Variants in PRDM10 observed in about 807,000 individuals in gnomAD.
PRDM10 encodes the protein PR/SET domain 10.
A neutral mutation model predicts 133.1 loss-of-function variants in PRDM10; 65 were observed. That is an observed-to-expected ratio of 0.49 (90% confidence interval 0.40 to 0.60). PRDM10 has a LOEUF of 0.60. Among genes scored for constraint, PRDM10 ranks in the 20% least tolerant of loss-of-function variants. PRDM10 has a pLI of 0.00. For synonymous variants in PRDM10, 582 were observed against 580.4 expected (o/e 1.00, Z -0.04); for missense variants, 1,137 against 1,507.1 (o/e 0.75, Z 4.07).
intron 4 of PRDM10, among the ~76,000 whole-genome samples, chr11:129,951,697 G>C (rs1340360214): frequency 1.3e-5 from 2 of 152,148 alleles, no homozygotes; most frequent in Non-Finnish European, 2.9e-5. Context: ...ACACACAACA[G>C]AATGCTTCTT....
rs1231303727 is a variant in PRDM10, at chr11:129,996,408, A to G, written c.-119+6314T>C. Among the ~76,000 whole-genome samples, 3 of 152,334 alleles carry G rather than the reference A, an allele frequency of 2.0e-5. No individual in the cohort carries two copies. The East Asian group carries it at 5.8e-4, about 29-fold the overall frequency. ...GGTTGTTACATTTTAAAATATTTGA[A>G]AAGACTCAAAAGAAGACTATTTCCT... is the stretch of plus-strand genomic sequence containing the variant. On this transcript the variant is annotated intron_variant, in intron 1 of 20. Coordinates refer to ENST00000360871, the MANE Select transcript of PRDM10 (RefSeq NM_199437.2).
intron 9 of PRDM10, among the ~76,000 whole-genome samples, chr11:129,932,731 A>G (rs749876971): frequency 6.6e-6 from 1 of 152,096 alleles, no homozygotes; most frequent in Non-Finnish European, 1.5e-5. Context: ...TGCCTAGTAA[A>G]CATCAATTAA....
chr11:129,931,371 T>A, intron 10 of PRDM10, 113 bp from the exon 11 acceptor site: 1 of 1,388,646 alleles, frequency 7.2e-7, no homozygotes. Flanking sequence ...AGAAAAAATA[T>A]TCTCCCTCTG....
intron 1 of PRDM10, among the ~76,000 whole-genome samples, chr11:129,967,086 T>C (rs562503356): frequency 1.3e-5 from 2 of 152,320 alleles, no homozygotes; most frequent in African/African-American, 4.8e-5. Flanking sequence ...ATTAAAATAC[T>C]AAATGACAGA....
chr11:129,925,707 C>CA (rs754851349), intron 11 of PRDM10, among the ~76,000 whole-genome samples: 1 of 96,508 alleles, frequency 1.0e-5, no homozygotes, highest in African/African-American at 7.8e-5. Flanking sequence ...AAAAACAAAA[C>CA]AAACAAACAA....
At chr11:129,929,428 A>G (rs760306988) in intron 11 of PRDM10, 3 of 1,561,296 alleles carry the variant, frequency 1.9e-6, no homozygotes, top group Non-Finnish European at 1.7e-6. Flanking sequence ...CCAACTGAGC[A>G]GGCAGCATTA....
At chr11:129,937,950 A>C (rs1452947045) in intron 7 of PRDM10, among the ~76,000 whole-genome samples, 1 of 152,198 alleles carries the variant, frequency 6.6e-6, no homozygotes. Context: ...TCTTCAACTA[A>C]ATAAAACAGC....
intron 15 of PRDM10, among the ~76,000 whole-genome samples, chr11:129,916,430 T>C (rs1029583796): frequency 1.3e-5 from 2 of 152,208 alleles, no homozygotes; most frequent in Non-Finnish European, 2.9e-5. Flanking sequence ...GGCGATCACC[T>C]GAGGGTGGAT....
At chr11:129,976,936 TGAGAA>T (rs1020584597) in intron 1 of PRDM10, among the ~76,000 whole-genome samples, 10 of 152,078 alleles carry the variant, frequency 6.6e-5, no homozygotes, top group African/African-American at 2.2e-4. Context: ...TTAGCACTCC[TGAGAA>T]AAGATAAAAA....
chr11:129,963,389 GAGA>G (rs776527781), intron 1 of PRDM10, among the ~76,000 whole-genome samples: 5,100 of 109,504 alleles, frequency 0.047, 360 homozygotes, highest in African/African-American at 0.14. Context: ...AAAGAGAGAA[GAGA>G]AGAGAAGAGA....
At chr11:129,990,845 A>G (rs1270811348) in intron 1 of PRDM10, among the ~76,000 whole-genome samples, 1 of 152,198 alleles carries the variant, frequency 6.6e-6, no homozygotes, top group African/African-American at 2.4e-5. Flanking sequence ...GATGGTAGAA[A>G]AATAAGTATT....
intron 17 of PRDM10, among the ~76,000 whole-genome samples, chr11:129,913,534 T>G (rs145664742): frequency 7.3e-4 from 111 of 152,316 alleles, no homozygotes; most frequent in Non-Finnish European, 1.5e-3. Flanking sequence ...TCAAAGAAAT[T>G]CGTTTTTAGT....
At chr11:129,958,886 G>A (rs1430816537) in intron 2 of PRDM10, among the ~76,000 whole-genome samples, 1 of 152,176 alleles carries the variant, frequency 6.6e-6, no homozygotes, top group Non-Finnish European at 1.5e-5. Flanking sequence ...AACTAAAGCA[G>A]AAATGAAGTT....
In PRDM10 at chr11:129,936,331, G is replaced by T. The variant is rs1051403167; in HGVS notation, c.1040-1113C>A. Among the ~76,000 whole-genome samples, 4 of 151,684 alleles carry T rather than the reference G, an allele frequency of 2.6e-5. No individual in the cohort carries two copies. In the South Asian group the frequency reaches 8.3e-4, roughly 32 times the overall value. ...TCTATATATTATAATAAATATAAAA[G>T]ATTATAACAAAATGGCCACCGTTAA... On this transcript the variant is annotated intron_variant, in intron 8 of 20. Transcript: ENST00000360871.
intron 4 of PRDM10, among the ~76,000 whole-genome samples, chr11:129,953,203 C>A (rs1013311215): frequency 5.9e-5 from 9 of 152,082 alleles, no homozygotes; most frequent in African/African-American, 2.2e-4. Flanking sequence ...GTATCAAACT[C>A]CTGATCTCAG....
At chr11:129,932,487 A>T (rs1950902075) in intron 9 of PRDM10, among the ~76,000 whole-genome samples, 1 of 152,210 alleles carries the variant, frequency 6.6e-6, no homozygotes, top group Admixed American at 6.5e-5. Flanking sequence ...AGCACTGACA[A>T]TATTTTGCTT....
At position 129,915,050 on chromosome 11, in the gene PRDM10, T is replaced by C. The variant is rs376705432; in HGVS notation, c.2527-32A>G. 1.8e-5 allele frequency: 28 copies of C among 1,542,418 alleles called. No individual in the cohort carries two copies. The African/African-American group carries it at 3.6e-4, about 20-fold the overall frequency. On this transcript the variant is annotated intron_variant, in intron 16 of 20. Coordinates refer to ENST00000360871, the MANE Select transcript of PRDM10 (RefSeq NM_199437.2). ...AAGCAAGGCAAAAAACAAGAATAAT[T>C]ATTAGAATTTGTGATTTTCCGTTTT...
intron 1 of PRDM10, among the ~76,000 whole-genome samples, chr11:130,002,154 AGCCCCCG>A (rs1419871385): frequency 2.7e-5 from 4 of 148,978 alleles, no homozygotes; most frequent in Admixed American, 6.7e-5. Flanking sequence ...CCCGGCCCCC[AGCCCCCG>A]GTGCTCGGCT....
chr11:129,913,202 T>C (rs1198190723), intron 17 of PRDM10, among the ~76,000 whole-genome samples: 28 of 113,056 alleles, frequency 2.5e-4, no homozygotes, highest in Middle Eastern at 0.018. Flanking sequence ...TGGGTGACAA[T>C]AGTGAGACCC....
Sources: gnomAD v4.1 joint callset for allele counts (sites outside exome capture counted in the v4.1 genomes callset) on GRCh38, gnomAD v4.1.1 for gene constraint, MANE v1.5 for transcripts, NCBI Gene and HGNC (gene_info 2026-07-23, HGNC 2026-07-21) for gene names.